Variants in MBD5 observed in about 807,000 individuals in gnomAD.
MBD5 encodes the protein methyl-CpG binding domain protein 5, also known as methyl-CpG-binding domain protein 5.
In MBD5, 13 loss-of-function variants were observed where a neutral mutation model predicts 117.3. The ratio of observed to expected loss-of-function variants is 0.11; its 90% CI spans 0.07 to 0.18. The LOEUF (loss-of-function observed/expected upper bound fraction) is 0.18. MBD5 is among the 10% of genes least tolerant of loss of function. The pLI is 1.00. For synonymous variants in MBD5, 727 were observed against 766.4 expected (o/e 0.95, Z 0.85); for missense variants, 1,879 against 2,093.8 (o/e 0.90, Z 2.00).
intron 2 of MBD5, among the ~76,000 whole-genome samples, chr2:148,204,287 T>C (rs376373637): frequency 5.3e-5 from 8 of 151,888 alleles, no homozygotes; most frequent in Admixed American, 6.6e-5. Context: ...TTAAGGAATA[T>C]TGTGGATTAA....
chr2:148,172,007 T>A (rs1469897854), intron 1 of MBD5, among the ~76,000 whole-genome samples: 6 of 152,228 alleles, frequency 3.9e-5, no homozygotes, highest in Non-Finnish European at 5.9e-5. Flanking sequence ...ACCCCATCTC[T>A]ACAAAGAATT....
At chr2:148,343,240 T>TTTAA (rs2105158057) in intron 4 of MBD5, among the ~76,000 whole-genome samples, 1 of 152,222 alleles carries the variant, frequency 6.6e-6, no homozygotes, top group South Asian at 2.1e-4. Context: ...ATATTGTGAA[T>TTTAA]GCATGTGTCT....
At chr2:148,051,835 T>A (rs1694712487) in intron 1 of MBD5, among the ~76,000 whole-genome samples, 1 of 152,154 alleles carries the variant, frequency 6.6e-6, no homozygotes, top group Non-Finnish European at 1.5e-5. Flanking sequence ...GGGATTTCTT[T>A]GGCTTTTGTG....
At position 148,098,761 on chromosome 2, in the gene MBD5, C is replaced by T. The variant is rs569369788; in HGVS notation, c.-925+77077C>T. Among the ~76,000 whole-genome samples, 25 of 152,066 alleles carry T rather than the reference C, an allele frequency of 1.6e-4. 1 individual carries two copies. The East Asian group carries it at 4.3e-3, about 26-fold the overall frequency. ...ATTGATGTAGGGGTTAGGAAGAAGA[C>T]GAAGAGAGGCCAGGTGTGGTGGCTC... On this transcript the variant is annotated intron_variant, in intron 1 of 13. Transcript: ENST00000642680.
intron 3 of MBD5, among the ~76,000 whole-genome samples, chr2:148,256,221 G>T (rs564004329): frequency 2.0e-5 from 3 of 152,296 alleles, no homozygotes; most frequent in African/African-American, 7.2e-5. Flanking sequence ...GTCTTGCGTG[G>T]GCAGGGACAG....
At chr2:148,219,575 A>G (rs2106061746) in intron 2 of MBD5, among the ~76,000 whole-genome samples, 1 of 152,330 alleles carries the variant, frequency 6.6e-6, no homozygotes, top group South Asian at 2.1e-4. Context: ...AGTGTATGTA[A>G]AAAGCTTAAA....
At chr2:148,048,410 A>G (rs1558902192) in intron 1 of MBD5, among the ~76,000 whole-genome samples, 1 of 152,194 alleles carries the variant, frequency 6.6e-6, no homozygotes, top group Non-Finnish European at 1.5e-5. Context: ...TGAAGAATTT[A>G]TAGTTTAGTG....
chr2:148,053,073 C>T (rs1694765721), intron 1 of MBD5, among the ~76,000 whole-genome samples: 1 of 150,936 alleles, frequency 6.6e-6, no homozygotes, highest in Non-Finnish European at 1.5e-5. Flanking sequence ...TTTTCTTGCT[C>T]ATCTTCTATT....
At chr2:148,271,924 C>A (rs567290256) in intron 3 of MBD5, among the ~76,000 whole-genome samples, 1 of 152,140 alleles carries the variant, frequency 6.6e-6, no homozygotes, top group Non-Finnish European at 1.5e-5. Flanking sequence ...CTGTACCCAT[C>A]GACCAGCGTC....
At chr2:148,362,006 C>A (rs923975055) in intron 4 of MBD5, among the ~76,000 whole-genome samples, 4 of 152,204 alleles carry the variant, frequency 2.6e-5, no homozygotes, top group Non-Finnish European at 5.9e-5. Flanking sequence ...TCAGGAGATT[C>A]CCTCGGGTGC....
chr2:148,383,624 G>T (rs1704232028), intron 4 of MBD5, among the ~76,000 whole-genome samples: 1 of 147,736 alleles, frequency 6.8e-6, no homozygotes, highest in Admixed American at 6.8e-5. Flanking sequence ...GCATCATCCT[G>T]ATACCAAAGC....
chr2:148,476,327 T>C (rs936242139), intron 8 of MBD5, among the ~76,000 whole-genome samples: 13 of 152,224 alleles, frequency 8.5e-5, no homozygotes, highest in Non-Finnish European at 1.9e-4. Context: ...AATAGGAAAT[T>C]AACTTGCATT....
chr2:148,234,625 CT>C lies in MBD5; in HGVS notation c.-680+1231del, dbSNP rs760793825. Among the ~76,000 whole-genome samples, 5 of 152,152 alleles carry C rather than the reference CT, an allele frequency of 3.3e-5. No individual in the cohort carries two copies. The South Asian group carries it at 1.0e-3, about 32-fold the overall frequency. On this transcript the variant is annotated intron_variant, in intron 3 of 13. Coordinates refer to ENST00000642680, the MANE Select transcript of MBD5 (RefSeq NM_001378120.1). ...TGGAACCATGAAGTGGTTATATCCA[CT>C]GGCTGTTTTCTGGCAGAGACACACC...
At chr2:148,345,217 T>TACACACACACACACACACACACACAC in intron 4 of MBD5, among the ~76,000 whole-genome samples, 1 of 109,198 alleles carries the variant, frequency 9.2e-6, no homozygotes, top group African/African-American at 3.5e-5. Context: ...TATGTATATA[T>TACACACACACACACACACACACACAC]ACACACACAC....
intron 1 of MBD5, among the ~76,000 whole-genome samples, chr2:148,065,882 G>A (rs980425307): frequency 1.3e-5 from 2 of 152,210 alleles, no homozygotes; most frequent in Non-Finnish European, 2.9e-5. Context: ...TTTAGTTGAT[G>A]TGTAGTTAAT....
chr2:148,278,094 G>A (rs765744184), intron 3 of MBD5, among the ~76,000 whole-genome samples: 4 of 152,022 alleles, frequency 2.6e-5, no homozygotes, highest in Non-Finnish European at 5.9e-5. Context: ...GTTTTCTGTC[G>A]CTGTAGTTTT....
intron 3 of MBD5, among the ~76,000 whole-genome samples, chr2:148,330,033 A>ACCCCCCCCCCCCCCC (rs56712549): frequency 6.2e-4 from 11 of 17,690 alleles, no homozygotes; most frequent in Admixed American, 2.3e-3. Flanking sequence ...GTAGGTAAGA[A>ACCCCCCCCCCCCCCC]CCCCCCCCCG....
chr2:148,197,043 T>G (rs1699006727), intron 2 of MBD5, among the ~76,000 whole-genome samples: 1 of 152,124 alleles, frequency 6.6e-6, no homozygotes, highest in Non-Finnish European at 1.5e-5. Flanking sequence ...TTCTTTATAC[T>G]CTCCCATCAA....
intron 1 of MBD5, among the ~76,000 whole-genome samples, chr2:148,037,731 T>G (rs538799940): frequency 6.6e-6 from 1 of 151,938 alleles, no homozygotes; most frequent in South Asian, 2.1e-4. Flanking sequence ...CAAGCTCAGG[T>G]TTTTCATAGT....
Sources: gnomAD v4.1 joint callset for allele counts (sites outside exome capture counted in the v4.1 genomes callset) on GRCh38, gnomAD v4.1.1 for gene constraint, MANE v1.5 for transcripts, NCBI Gene and HGNC (gene_info 2026-07-23, HGNC 2026-07-21) for gene names.